The following CTNNA2 variants were observed in gnomAD, a reference collection of about 807,000 sequenced individuals.
The protein encoded by CTNNA2 is catenin alpha-2.
In CTNNA2, 42 loss-of-function variants were observed where a neutral mutation model predicts 101.0. That is an observed-to-expected ratio of 0.42 (90% confidence interval 0.32 to 0.54). CTNNA2 has a LOEUF of 0.54. Among genes scored for constraint, CTNNA2 ranks in the 20% least tolerant of loss-of-function variants. The pLI is 0.14. For missense variants in CTNNA2, 871 were observed against 1,223.1 expected (o/e 0.71, Z 4.29); for synonymous variants, 450 against 456.4 (o/e 0.99, Z 0.18).
chr2:80,538,557 G>A (rs985547309), intron 9 of CTNNA2, among the ~76,000 whole-genome samples: 24 of 152,098 alleles, frequency 1.6e-4, no homozygotes, highest in African/African-American at 5.6e-4. Flanking sequence ...TTATTTCTGA[G>A]GTCTCTGTTC....
intron 16 of CTNNA2, among the ~76,000 whole-genome samples, chr2:80,604,454 G>C (rs541004280): frequency 2.0e-5 from 3 of 151,952 alleles, no homozygotes; most frequent in East Asian, 2.0e-4. Flanking sequence ...GAAGAGTCAC[G>C]GATTGTCCCA....
At chr2:79,733,033 AAT>A (rs1687301022) in intron 2 of CTNNA2, among the ~76,000 whole-genome samples, 2 of 152,152 alleles carry the variant, frequency 1.3e-5, no homozygotes, top group Admixed American at 6.6e-5. Context: ...GAGAGTGAAA[AAT>A]ATAGTCTCAC....
intron 7 of CTNNA2, among the ~76,000 whole-genome samples, chr2:80,254,463 G>C (rs1035726202): frequency 6.6e-6 from 1 of 152,112 alleles, no homozygotes; most frequent in South Asian, 2.1e-4. Context: ...GCCAAGGTAT[G>C]GGGGGAGCTG....
At chr2:80,189,768 A>AAC (rs1017974675) in intron 7 of CTNNA2, among the ~76,000 whole-genome samples, 3 of 151,816 alleles carry the variant, frequency 2.0e-5, no homozygotes, top group Admixed American at 6.6e-5. Flanking sequence ...ACAAAACAAA[A>AAC]ACACACACAC....
chr2:80,544,571 C>G (rs1573209692), intron 9 of CTNNA2, among the ~76,000 whole-genome samples: 1 of 152,056 alleles, frequency 6.6e-6, no homozygotes, highest in East Asian at 1.9e-4. Context: ...ATGAGTCTCT[C>G]AAGCCCAAAT....
At chr2:79,571,440 A>C (rs1333375923) in intron 1 of CTNNA2, among the ~76,000 whole-genome samples, 1 of 152,176 alleles carries the variant, frequency 6.6e-6, no homozygotes, top group Admixed American at 6.5e-5. Context: ...GACAGGGAGC[A>C]TCCTAAGTCC....
At chr2:79,195,844 A>G (rs1489623871) in intron 1 of CTNNA2, 2 of 512,826 alleles carry the variant, frequency 3.9e-6, no homozygotes, top group Admixed American at 3.9e-5. Flanking sequence ...TCACTCAATG[A>G]AAGTTCTAGA....
intron 2 of CTNNA2, among the ~76,000 whole-genome samples, chr2:79,211,211 AT>A (rs1674167716): frequency 1.3e-5 from 2 of 152,136 alleles, no homozygotes. Flanking sequence ...AAAGATAACC[AT>A]TTATTTCCCC....
At chr2:80,248,783 TAG>T (rs946656814) in intron 7 of CTNNA2, among the ~76,000 whole-genome samples, 2 of 152,120 alleles carry the variant, frequency 1.3e-5, no homozygotes, top group African/African-American at 4.8e-5. Flanking sequence ...CCTCAGAATG[TAG>T]AGAGAGAAAT....
chr2:80,282,528 A>G (rs956914131), intron 7 of CTNNA2, among the ~76,000 whole-genome samples: 9 of 152,116 alleles, frequency 5.9e-5, no homozygotes, highest in African/African-American at 2.2e-4. Flanking sequence ...TCCTATAGGT[A>G]TTATCCAGCT....
At chr2:79,305,728 T>C (rs1464676079) in intron 2 of CTNNA2, among the ~76,000 whole-genome samples, 1 of 152,016 alleles carries the variant, frequency 6.6e-6, no homozygotes, top group Non-Finnish European at 1.5e-5. Context: ...GAACATTTCT[T>C]TGGGAGAGTA....
intron 18 of CTNNA2, among the ~76,000 whole-genome samples, chr2:80,620,305 G>C (rs1294673345): frequency 1.4e-5 from 2 of 144,824 alleles, no homozygotes; most frequent in Non-Finnish European, 3.0e-5. Flanking sequence ...ATGAACATTT[G>C]TGTTGGAGAA....
chr2:79,331,680 C>A (rs1676876191), intron 3 of CTNNA2, among the ~76,000 whole-genome samples: 1 of 152,068 alleles, frequency 6.6e-6, no homozygotes, highest in Non-Finnish European at 1.5e-5. Flanking sequence ...GCATAGGGAC[C>A]TCTCCTGTGC....
intron 7 of CTNNA2, among the ~76,000 whole-genome samples, chr2:80,371,556 ATT>A (rs56220769): frequency 0.056 from 8,121 of 145,334 alleles, 526 homozygotes; most frequent in African/African-American, 0.16. Context: ...GAAATCAGGG[ATT>A]TTTTTTTTTT....
At chr2:79,281,893 C>G (rs969048750) in intron 2 of CTNNA2, among the ~76,000 whole-genome samples, 2 of 152,116 alleles carry the variant, frequency 1.3e-5, no homozygotes, top group African/African-American at 4.8e-5. Flanking sequence ...AGCTATATAT[C>G]CAGAAAATAA....
chr2:80,132,182 C>T lies in CTNNA2; in HGVS notation c.1056+222385C>T, dbSNP rs953839492. On this transcript the variant is annotated intron_variant, in intron 7 of 18. Coordinates refer to ENST00000402739, the MANE Select transcript of CTNNA2 (RefSeq NM_001282597.3). Reference sequence around the variant, plus strand: ...TTGTGGAAGTGAAGACGTCTTAGCACGTACTGTTAGCTAGAGCACTTTGGA... The same window carrying T: ...TTGTGGAAGTGAAGACGTCTTAGCATGTACTGTTAGCTAGAGCACTTTGGA... Among the ~76,000 whole-genome samples the T allele has an allele frequency of 5.3e-5, 8 of 152,218 alleles. No homozygotes were observed. In the East Asian group the frequency reaches 5.8e-4, roughly 11 times the overall value.
At chr2:79,691,543 C>A in intron 2 of CTNNA2, among the ~76,000 whole-genome samples, 1 of 151,346 alleles carries the variant, frequency 6.6e-6, no homozygotes, top group East Asian at 1.9e-4. Flanking sequence ...TCATACGGAA[C>A]CAAAAAAGAG....
intron 4 of CTNNA2, among the ~76,000 whole-genome samples, chr2:79,484,365 C>G (rs943567556): frequency 1.4e-4 from 21 of 152,210 alleles, no homozygotes; most frequent in Non-Finnish European, 2.4e-4. Flanking sequence ...TCCCTTTTTG[C>G]TGAACTTCCT....
At chr2:79,497,958 A>C (rs768005287) in intron 4 of CTNNA2, 4 of 152,218 alleles carry the variant, frequency 2.6e-5, no homozygotes, top group African/African-American at 9.6e-5. Flanking sequence ...CAGTGGCCAC[A>C]GTTCTATTTT....
Sources: gnomAD v4.1 joint callset for allele counts (sites outside exome capture counted in the v4.1 genomes callset) on GRCh38, gnomAD v4.1.1 for gene constraint, MANE v1.5 for transcripts, NCBI Gene and HGNC (gene_info 2026-07-23, HGNC 2026-07-21) for gene names.